The following ZNF761 variants were observed in gnomAD, a reference collection of about 807,000 sequenced individuals.
ZNF761 encodes zinc finger protein 761.
Under a neutral mutation model 59.9 loss-of-function variants are expected in ZNF761, and 43 were observed. The observed-to-expected ratio is 0.72, with a 90% CI of 0.56 to 0.92. The LOEUF is 0.92. Ranked by LOEUF, ZNF761 falls within the 40% of genes least tolerant of loss-of-function variation. The probability of loss-of-function intolerance (pLI) is 0.00; values close to 1 mark genes in which losing one functional copy is unlikely to be tolerated. For missense variants in ZNF761, 850 were observed against 906.1 expected (o/e 0.94, Z 0.79); for synonymous variants, 294 against 304.8 (o/e 0.96, Z 0.37).
chr19:53,450,813 A>G lies in ZNF761; in HGVS notation c.142+1175A>G, dbSNP rs570291469. Among the ~76,000 whole-genome samples, 10 of 152,198 alleles carry G rather than the reference A, an allele frequency of 6.6e-5. No homozygotes were observed. The East Asian group carries it at 1.4e-3, about 21-fold the overall frequency. ...GGAGTTCAAAACCAGCCTGCCTAAC[A>G]TGGCGAAACTCCATCTCTACTAAAA... On this transcript the variant is annotated intron_variant, in intron 4 of 4. Transcript: ENST00000684525.
At chr19:53,450,973 A>C (rs1196825973) in intron 4 of ZNF761, among the ~76,000 whole-genome samples, 1 of 149,478 alleles carries the variant, frequency 6.7e-6, no homozygotes, top group Non-Finnish European at 1.5e-5. Flanking sequence ...AGCCTGGGCG[A>C]TAGCACGAGA....
Position 53,456,251 on chromosome 19 carries a change from G to C in ZNF761, c.1744G>C (p.Asp582His). Residue 582 changes from aspartate (D) to histidine (H), a missense_variant, in exon 5 of 5, where the codon GAT becomes CAT. Asp to His is a moderately conservative substitution (Grantham distance 81). Transcript: ENST00000684525. ...HSGENPYKCEDSDKAYSFKSN... is the reference protein window; with the variant it reads ...HSGENPYKCEHSDKAYSFKSN... ...TGGAGAGAACCCTTACAAATGTGAA[G>C]ATAGTGACAAAGCTTACAGTTTCAA... is the stretch of plus-strand genomic sequence containing the variant. 6.2e-7 allele frequency: 1 copy of C among 1,613,966 alleles called. No homozygotes were observed. Among genetic ancestry groups the C allele is most frequent in the Non-Finnish European group, 8.5e-7 (1 of 1,179,974 alleles).
At chr19:53,440,630 G>A (rs1263234981) in intron 1 of ZNF761, among the ~76,000 whole-genome samples, 1 of 152,062 alleles carries the variant, frequency 6.6e-6, no homozygotes, top group Non-Finnish European at 1.5e-5. Flanking sequence ...GGGCAATGAA[G>A]TGGGAAAAAA....
chr19:53,456,876 C>T lies in ZNF761; in HGVS notation c.*128C>T. 1.9e-6 allele frequency: 2 copies of T among 1,048,552 alleles called. No individual in the cohort carries two copies. Among genetic ancestry groups the T allele is most frequent in the South Asian group, 1.5e-5 (1 of 67,210 alleles). 65.0% of individuals were successfully genotyped at this position (1,048,552 alleles called of 1,614,324 possible). ...CAGTGGCAAATCAAGCCTCAGAAGACAGGAGAATTCATACTGGAGAGAAAG... is the reference window on the plus strand; with the variant it reads ...CAGTGGCAAATCAAGCCTCAGAAGATAGGAGAATTCATACTGGAGAGAAAG... On this transcript the variant is annotated 3_prime_UTR_variant, in exon 5 of 5. Transcript: ENST00000684525.
In ZNF761 at chr19:53,456,319, T is replaced by C. The variant is rs759995776; in HGVS notation, c.1812T>C (p.Asn604=). Residue 604 remains asparagine (N), a synonymous_variant, in exon 5 of 5, where the codon AAT becomes AAC. Transcript: ENST00000684525. The part of the protein sequence containing the change: ...EIHQKIHTEE[N]PYKCNECGKT... Reference sequence around the variant, plus strand: ...ATCAGAAAATTCATACTGAAGAGAATCCTTACAAGTGTAATGAGTGTGGCA... The same window carrying C: ...ATCAGAAAATTCATACTGAAGAGAACCCTTACAAGTGTAATGAGTGTGGCA... 4 of 1,599,292 alleles carry C rather than the reference T, an allele frequency of 2.5e-6. No homozygotes were observed. The African/African-American group carries it at 4.2e-5, about 17-fold the overall frequency.
intron 4 of ZNF761, among the ~76,000 whole-genome samples, chr19:53,453,753 G>C (rs2086240819): frequency 6.6e-6 from 1 of 152,102 alleles, no homozygotes; most frequent in Admixed American, 6.6e-5. Context: ...GTGTGTGCCT[G>C]TAATCCCAGG....
Position 53,455,682 on chromosome 19 carries a change from G to A in ZNF761, c.1175G>A (p.Ser392Asn), listed in dbSNP as rs749535580. The A allele has an allele frequency of 3.1e-5, 50 of 1,613,364 alleles. No individual in the cohort carries two copies. The East Asian group carries it at 1.1e-3, about 36-fold the overall frequency. Residue 392 changes from serine (S) to asparagine (N), a missense_variant, in exon 5 of 5, where the codon AGT becomes AAT. Transcript: ENST00000684525. Reference protein sequence around the residue: ...YKCNECGKTFSHKSSLTCHRR... With the variant: ...YKCNECGKTFNHKSSLTCHRR... ...TGTAATGAGTGTGGCAAGACCTTTA[G>A]TCACAAGTCATCCCTTACATGCCAT...
intron 4 of ZNF761, among the ~76,000 whole-genome samples, chr19:53,453,556 A>G (rs1174730514): frequency 6.6e-6 from 1 of 152,216 alleles, no homozygotes; most frequent in Admixed American, 6.5e-5. Flanking sequence ...GGTATGCAAT[A>G]TAACTGACAC....
intron 1 of ZNF761, chr19:53,442,448 C>A: frequency 1.2e-6 from 1 of 811,884 alleles, no homozygotes; most frequent in Non-Finnish European, 2.1e-6. Flanking sequence ...CTGATAATCT[C>A]AAGGAGGCAG....
chr19:53,450,700 C>T (rs888042197), intron 4 of ZNF761, among the ~76,000 whole-genome samples: 4 of 151,936 alleles, frequency 2.6e-5, no homozygotes, highest in Admixed American at 1.3e-4. Flanking sequence ...CTCCGCCTCT[C>T]GGGTTCAAAT....
rs1220300439 is a variant in ZNF761 at position 53,455,391 on chromosome 19, A to G, written c.884A>G (p.Glu295Gly). The G allele has an allele frequency of 6.2e-7, 1 of 1,614,006 alleles. No individual in the cohort carries two copies. Among genetic ancestry groups the G allele is most frequent in the Non-Finnish European group, 8.5e-7 (1 of 1,180,024 alleles). Reference protein sequence around the residue: ...LTCHRRLHTGEKPYKCEECDK... With the variant: ...LTCHRRLHTGGKPYKCEECDK... ...TGCCATCGTAGACTTCATACTGGAG[A>G]GAAACCTTACAAATGTGAAGAATGT... is the stretch of plus-strand genomic sequence containing the variant. Residue 295 changes from glutamate (E) to glycine (G), a missense_variant, in exon 5 of 5, where the codon GAG becomes GGG. Glu to Gly is a moderately conservative substitution (Grantham distance 98). Transcript: ENST00000684525.
intron 4 of ZNF761, chr19:53,450,171 CAT>C (rs756617735): frequency 0.21 from 43,956 of 209,494 alleles, 4,920 homozygotes; most frequent in Middle Eastern, 0.25. Flanking sequence ...GGTGTGGTGG[CAT>C]GGGCCTGTAA....
At chr19:53,447,128 G>A in intron 2 of ZNF761, 68 bp from the exon 3 acceptor site, 1 of 1,065,254 alleles carries the variant, frequency 9.4e-7, no homozygotes, top group Non-Finnish European at 1.4e-6. Context: ...GCCTTTGTAT[G>A]TGTGGTTGTG....
intron 1 of ZNF761, among the ~76,000 whole-genome samples, chr19:53,432,504 G>C (rs1355245962): frequency 6.6e-6 from 1 of 152,056 alleles, no homozygotes; most frequent in Admixed American, 6.6e-5. Context: ...CACGGGTTTC[G>C]CCTCCACAAT....
chr19:53,451,367 C>T (rs746574533), intron 4 of ZNF761, among the ~76,000 whole-genome samples: 1 of 152,196 alleles, frequency 6.6e-6, no homozygotes, highest in Non-Finnish European at 1.5e-5. Flanking sequence ...TGTGCCACCA[C>T]GCCTGGCTAA....
chr19:53,435,557 C>T (rs1364834153), intron 1 of ZNF761, among the ~76,000 whole-genome samples: 1 of 151,872 alleles, frequency 6.6e-6, no homozygotes, highest in East Asian at 1.9e-4. Flanking sequence ...CCCATCGTGG[C>T]CTCCAAAAGG....
intron 1 of ZNF761, among the ~76,000 whole-genome samples, chr19:53,441,504 T>A (rs12977851): frequency 0.69 from 103,007 of 149,708 alleles, 35,940 homozygotes; most frequent in South Asian, 0.76. Context: ...TGGAGTGTAG[T>A]GGCATGATGT....
chr19:53,444,362 G>C (rs973063294), intron 1 of ZNF761: 3 of 152,232 alleles, frequency 2.0e-5, no homozygotes, highest in African/African-American at 4.8e-5. Context: ...ATGGCTGGAG[G>C]TGAGACATGC....
chr19:53,444,422 A>C (rs1195643328), intron 1 of ZNF761: 1 of 152,178 alleles, frequency 6.6e-6, no homozygotes, highest in Non-Finnish European at 1.5e-5. Flanking sequence ...GTAAAGTCAA[A>C]CATAAACCTG....
Sources: allele counts gnomAD v4.1 joint callset (sites outside exome capture counted in the v4.1 genomes callset), GRCh38; gene constraint gnomAD v4.1.1; transcripts MANE v1.5; gene names NCBI Gene and HGNC (gene_info 2026-07-23, HGNC 2026-07-21).